The following SMPDL3B variants were observed in gnomAD, a reference collection of about 807,000 sequenced individuals.
SMPDL3B encodes the protein acid sphingomyelinase-like phosphodiesterase 3b.
A neutral mutation model predicts 37.9 loss-of-function variants in SMPDL3B; 31 were observed. The observed-to-expected ratio is 0.82, with a 90% confidence interval of 0.61 to 1.10. The LOEUF (loss-of-function observed/expected upper bound fraction) is 1.10, where lower values mean the gene tolerates loss of function less well. SMPDL3B is among the 50% of genes least tolerant of loss of function. The probability of loss-of-function intolerance (pLI) is 0.00; values close to 1 mark genes in which losing one functional copy is unlikely to be tolerated. For synonymous variants in SMPDL3B, 235 were observed against 242.6 expected, an observed-to-expected ratio of 0.97 and a Z score of 0.29; for missense variants, 525 against 597.8, an observed-to-expected ratio of 0.88 and a Z score of 1.27.
chr1:27,935,070 A>AG lies in SMPDL3B; in HGVS notation c.-112dup. The AG allele has an allele frequency of 1.3e-6, 1 of 740,976 alleles. No homozygotes were observed. Among genetic ancestry groups the AG allele is most frequent in the South Asian group, 1.7e-5 (1 of 59,738 alleles). 45.9% of individuals were successfully genotyped at this position (740,976 alleles called of 1,614,324 possible). A position where few individuals can be genotyped will look rare whatever the true frequency, so the allele number is the denominator to read the frequency against. On this transcript the variant is annotated 5_prime_UTR_variant, in exon 1 of 8. Coordinates refer to ENST00000373894, the MANE Select transcript of SMPDL3B (RefSeq NM_014474.4). ...TTGGAGGACTTGGAACACCTGTAAC[A>AG]GGACAAGGAGTTCTGCTCAGGCACG...
At position 27,958,457 on chromosome 1, in the gene SMPDL3B, C is replaced by G. The variant is rs768993612; in HGVS notation, c.1006-19C>G. 5.9e-5 allele frequency: 93 copies of G among 1,587,034 alleles called. No individual in the cohort carries two copies. Among genetic ancestry groups the G allele is most frequent in the African/African-American group, 2.3e-4 (17 of 74,564 alleles). On this transcript the variant is annotated intron_variant, in intron 7 of 7. Coordinates refer to ENST00000373894, the MANE Select transcript of SMPDL3B (RefSeq NM_014474.4). The surrounding 1 kb of genome is among the most constrained non-coding windows in gnomAD (Gnocchi z 5.6). ...CAGACAACTGCTCACAGCCGGTCTA[C>G]CCCAAACCCTTTTTCCAGGACATGG...
intron 1 of SMPDL3B, chr1:27,938,822 TGTAA>T (rs2090330251): frequency 6.6e-6 from 1 of 152,250 alleles, no homozygotes; most frequent in African/African-American, 2.4e-5. Flanking sequence ...TGTAGGCTAA[TGTAA>T]GTGTTCTGAG....
intron 1 of SMPDL3B, among the ~76,000 whole-genome samples, chr1:27,939,475 C>T (rs745682993): frequency 3.9e-5 from 6 of 152,080 alleles, no homozygotes; most frequent in Non-Finnish European, 7.4e-5. Context: ...CTCAGCCTCC[C>T]AAGTACGGAG....
chr1:27,938,106 T>G (rs754642631), intron 1 of SMPDL3B, among the ~76,000 whole-genome samples: 1 of 152,226 alleles, frequency 6.6e-6, no homozygotes, highest in Non-Finnish European at 1.5e-5. Context: ...GGGGTAGCCC[T>G]GCTCTGCAGG....
intron 2 of SMPDL3B, among the ~76,000 whole-genome samples, chr1:27,946,919 C>G (rs2090413450): frequency 6.6e-6 from 1 of 152,210 alleles, no homozygotes; most frequent in South Asian, 2.1e-4. Flanking sequence ...AGATTTGGTC[C>G]ATGACCTTGG....
At chr1:27,957,604 A>G (rs964820576) in intron 7 of SMPDL3B, among the ~76,000 whole-genome samples, 1 of 152,106 alleles carries the variant, frequency 6.6e-6, no homozygotes, top group African/African-American at 2.4e-5. Context: ...GCATGAGCTA[A>G]CCCAGGTCCT....
chr1:27,943,422 G>A (rs1183025762), intron 1 of SMPDL3B, among the ~76,000 whole-genome samples: 3 of 152,244 alleles, frequency 2.0e-5, no homozygotes, highest in East Asian at 1.9e-4. Flanking sequence ...AGGGTCAGGG[G>A]CCAGCCTTTA....
chr1:27,947,881 T>C (rs1354981386), intron 2 of SMPDL3B, among the ~76,000 whole-genome samples: 1 of 151,886 alleles, frequency 6.6e-6, no homozygotes, highest in African/African-American at 2.4e-5. Flanking sequence ...GCCCCCGGCC[T>C]AGGTGTGTTT....
At chr1:27,953,604 G>A (rs1402681922) in intron 4 of SMPDL3B, among the ~76,000 whole-genome samples, 1 of 152,210 alleles carries the variant, frequency 6.6e-6, no homozygotes, top group Non-Finnish European at 1.5e-5. Context: ...CCTTTACTGT[G>A]TGCGAGGCAC....
intron 1 of SMPDL3B, among the ~76,000 whole-genome samples, chr1:27,941,202 G>T (rs2090355503): frequency 6.6e-6 from 1 of 152,292 alleles, no homozygotes; most frequent in South Asian, 2.1e-4. Context: ...CCACCTTCTG[G>T]GCGGCGGGGG....
intron 7 of SMPDL3B, among the ~76,000 whole-genome samples, chr1:27,957,950 C>T (rs888066225): frequency 6.6e-6 from 1 of 152,148 alleles, no homozygotes; most frequent in African/African-American, 2.4e-5. Flanking sequence ...CCTCTTACCC[C>T]GTCTGCAGTG....
chr1:27,937,409 T>C (rs540570837), intron 1 of SMPDL3B, among the ~76,000 whole-genome samples: 9 of 152,350 alleles, frequency 5.9e-5, no homozygotes, highest in African/African-American at 1.9e-4. Flanking sequence ...TCTGGAGCTA[T>C]TGTGAACAGA....
chr1:27,947,400 G>A (rs1318805242), intron 2 of SMPDL3B, among the ~76,000 whole-genome samples: 1 of 151,934 alleles, frequency 6.6e-6, no homozygotes, highest in East Asian at 2.0e-4. Flanking sequence ...CATCAGATGA[G>A]AAGATCTCTA....
rs150797389 is a variant in SMPDL3B at position 27,945,332 on chromosome 1, C to T, written c.162C>T (p.Pro54=). ...VCPSAGSQPV[P]DAGPWGDYLC... is the part of the protein sequence containing the mutation. ...CATCAGCTGGATCCCAGCCAGTGCC[C>T]GACGCAGGCCCCTGGGGTGACTACC... is the stretch of plus-strand genomic sequence containing the variant. Residue 54 remains proline (P), a synonymous_variant, in exon 2 of 8, where the codon CCC becomes CCT. Coordinates refer to ENST00000373894, the MANE Select transcript of SMPDL3B (RefSeq NM_014474.4). This position sits in a 1 kb window ranked among gnomAD's most constrained non-coding sequence, Gnocchi z 4.0. 3.6e-5 allele frequency: 58 copies of T among 1,614,044 alleles called. 1 individual carries two copies. Among genetic ancestry groups the T allele is most frequent in the Non-Finnish European group, 4.5e-5 (53 of 1,180,036 alleles).
chr1:27,947,161 C>T (rs1242030997), intron 2 of SMPDL3B, among the ~76,000 whole-genome samples: 7 of 151,962 alleles, frequency 4.6e-5, no homozygotes, highest in Non-Finnish European at 1.0e-4. Flanking sequence ...CTCAGCCTCC[C>T]GAGTAGCTGG....
intron 1 of SMPDL3B, 131 bp downstream of exon 1, chr1:27,935,375 G>A: frequency 1.5e-6 from 1 of 680,718 alleles, no homozygotes; most frequent in South Asian, 1.8e-5. Flanking sequence ...GGAGGCAGGT[G>A]GGGAGAGCTA....
At chr1:27,936,422 C>T (rs564527596) in intron 1 of SMPDL3B, 1 of 150,838 alleles carries the variant, frequency 6.6e-6, no homozygotes, top group Admixed American at 6.6e-5. Context: ...CACTGCACCC[C>T]AGCCTGGGTG....
At chr1:27,942,357 G>C (rs1441843683) in intron 1 of SMPDL3B, 1 of 471,074 alleles carries the variant, frequency 2.1e-6, no homozygotes, top group Non-Finnish European at 4.4e-6. Flanking sequence ...CTCCGGGCTT[G>C]GAAGCAGGTG....
At chr1:27,937,442 G>A (rs17162907) in intron 1 of SMPDL3B, among the ~76,000 whole-genome samples, 4,627 of 152,326 alleles carry the variant, frequency 0.03, 233 homozygotes, top group African/African-American at 0.1. Context: ...TAGGTGGTCC[G>A]TAAATGTAGG....
Sources: gnomAD v4.1 joint callset for allele counts (sites outside exome capture counted in the v4.1 genomes callset) on GRCh38, gnomAD v4.1.1 for gene constraint, Gnocchi (gnomAD v3.1) non-coding constraint, MANE v1.5 for transcripts, NCBI Gene and HGNC (gene_info 2026-07-23, HGNC 2026-07-21) for gene names.